DPYSL3: variants seen among roughly 807,000 people sequenced by gnomAD.
The protein encoded by DPYSL3 is dihydropyrimidinase like 3, also known as dihydropyrimidinase-related protein 3.
DPYSL3 carries 16 observed loss-of-function variants against 66.1 expected under a neutral mutation model. The observed-to-expected ratio is 0.24, with a 90% CI of 0.16 to 0.37. The LOEUF is 0.37. DPYSL3 is among the 10% of genes least tolerant of loss of function. DPYSL3 has a pLI of 1.00. For synonymous variants in DPYSL3, 338 were observed against 345.1 expected (o/e 0.98, Z 0.23); for missense variants, 738 against 916.2 (o/e 0.81, Z 2.51).
intron 12 of DPYSL3, among the ~76,000 whole-genome samples, chr5:147,396,149 C>T (rs534610693): frequency 3.3e-5 from 5 of 152,162 alleles, no homozygotes; most frequent in South Asian, 2.1e-4. Context: ...GGTCATGACA[C>T]GAGGTCGCAG....
At chr5:147,418,860 G>A (rs188338991) in intron 2 of DPYSL3, among the ~76,000 whole-genome samples, 4 of 152,272 alleles carry the variant, frequency 2.6e-5, no homozygotes, top group African/African-American at 4.8e-5. Context: ...GTGGGACCAC[G>A]TGTCCTGGTT....
chr5:147,423,676 A>G (rs1752131348), intron 2 of DPYSL3, among the ~76,000 whole-genome samples: 1 of 148,818 alleles, frequency 6.7e-6, no homozygotes, highest in Non-Finnish European at 1.5e-5. Context: ...AATTGCTATG[A>G]TTGATGAAAG....
intron 5 of DPYSL3, 140 bp downstream of exon 5, chr5:147,413,456 C>G: frequency 1.5e-6 from 1 of 663,622 alleles, no homozygotes; most frequent in Admixed American, 2.6e-5. Flanking sequence ...GTAGCGTGGA[C>G]TGCAAAGGCT....
At chr5:147,493,745 G>A (rs1319672419) in intron 1 of DPYSL3, among the ~76,000 whole-genome samples, 1 of 152,118 alleles carries the variant, frequency 6.6e-6, no homozygotes, top group African/African-American at 2.4e-5. Context: ...CAGATGAACT[G>A]TTCAACAAGA....
chr5:147,472,081 C>T (rs1166798040), intron 1 of DPYSL3, among the ~76,000 whole-genome samples: 3 of 152,152 alleles, frequency 2.0e-5, no homozygotes, highest in Non-Finnish European at 4.4e-5. Flanking sequence ...ATGAGACTAG[C>T]GATGGCTTGC....
At chr5:147,505,770 C>T (rs1186811444) in intron 1 of DPYSL3, among the ~76,000 whole-genome samples, 1 of 152,170 alleles carries the variant, frequency 6.6e-6, no homozygotes, top group African/African-American at 2.4e-5. Flanking sequence ...CTCAAAGTTT[C>T]CTGTGTAATG....
Position 147,392,253 on chromosome 5 carries a change from T to G in DPYSL3, c.*1782A>C, listed in dbSNP as rs1287592411. On this transcript the variant is annotated 3_prime_UTR_variant, in exon 14 of 14. Transcript: ENST00000343218. ...GAAAAGCACTACAAGAGCTTTAAAA[T>G]AGCAAGCTTCCCTATTCTAAGGGGA... is the stretch of plus-strand genomic sequence containing the variant. 1.3e-5 allele frequency: 2 copies of G among 152,222 alleles called. No individual in the cohort carries two copies. Among genetic ancestry groups the G allele is most frequent in the Non-Finnish European group, 2.9e-5 (2 of 68,022 alleles). 9.4% of individuals were successfully genotyped at this position (152,222 alleles called of 1,614,324 possible).
At chr5:147,476,093 A>T (rs1192724174) in intron 1 of DPYSL3, among the ~76,000 whole-genome samples, 1 of 152,196 alleles carries the variant, frequency 6.6e-6, no homozygotes, top group Non-Finnish European at 1.5e-5. Context: ...GATCAAACTC[A>T]TATAGCAAGT....
chr5:147,494,733 G>A (rs1753473247), intron 1 of DPYSL3, among the ~76,000 whole-genome samples: 1 of 139,402 alleles, frequency 7.2e-6, no homozygotes, highest in Non-Finnish European at 1.6e-5. Flanking sequence ...AAAAAAATTA[G>A]CCGGGCATGG....
chr5:147,415,974 T>C, intron 3 of DPYSL3, 101 bp from the exon 4 acceptor site: 1 of 1,318,358 alleles, frequency 7.6e-7, no homozygotes, highest in African/African-American at 1.5e-5. Flanking sequence ...GCAGAATCTC[T>C]ATTTCCTGAG....
At chr5:147,461,332 T>C (rs1420900197) in intron 1 of DPYSL3, among the ~76,000 whole-genome samples, 1 of 152,160 alleles carries the variant, frequency 6.6e-6, no homozygotes, top group Non-Finnish European at 1.5e-5. Context: ...CTTATGCAAA[T>C]GGCACACCTG....
chr5:147,448,768 T>A (rs1561792256), intron 1 of DPYSL3, among the ~76,000 whole-genome samples: 1 of 152,224 alleles, frequency 6.6e-6, no homozygotes, highest in Non-Finnish European at 1.5e-5. Context: ...TCACAGCTAC[T>A]AATGTTCAGG....
chr5:147,404,522 C>T (rs1409423694), intron 8 of DPYSL3, among the ~76,000 whole-genome samples: 1 of 152,212 alleles, frequency 6.6e-6, no homozygotes, highest in Non-Finnish European at 1.5e-5. Context: ...CACTGGCACG[C>T]AGCAGTAGCA....
Position 147,422,828 on chromosome 5 carries a change from C to T in DPYSL3, c.470+2047G>A, listed in dbSNP as rs149630278. Reference sequence around the variant, plus strand: ...ATGAGAACATATGGGCACGGGGAGGCGAACATCAAACACCAGGGCCTGTTG... The same window carrying T: ...ATGAGAACATATGGGCACGGGGAGGTGAACATCAAACACCAGGGCCTGTTG... On this transcript the variant is annotated intron_variant, in intron 2 of 13. Transcript: ENST00000343218. Among the ~76,000 whole-genome samples the T allele has an allele frequency of 1.7e-3, 258 of 151,230 alleles. 6 individuals carry two copies. In the East Asian group the frequency reaches 0.046, roughly 27 times the overall value.
At chr5:147,400,876 G>A (rs1207043899) in intron 9 of DPYSL3, 43 bp from the exon 10 acceptor site, 1 of 1,597,918 alleles carries the variant, frequency 6.3e-7, no homozygotes, top group African/African-American at 1.3e-5. Context: ...GGAGATGGCT[G>A]GAGGCACACT....
chr5:147,489,690 T>C (rs559009733), intron 1 of DPYSL3, among the ~76,000 whole-genome samples: 4 of 152,172 alleles, frequency 2.6e-5, no homozygotes, highest in African/African-American at 9.6e-5. Flanking sequence ...TCTGTTCTGT[T>C]AGTTAGATCT....
rs141944436 is a variant in DPYSL3, at chr5:147,420,826, C to T, written c.471-2195G>A. Among the ~76,000 whole-genome samples the T allele has an allele frequency of 1.8e-4, 28 of 152,204 alleles. No homozygotes were observed. In the East Asian group the frequency reaches 2.7e-3, roughly 15 times the overall value. On this transcript the variant is annotated intron_variant, in intron 2 of 13. Transcript: ENST00000343218. ...CTTTCAGTCTTTCTAATAGAAATGG[C>T]GAAAAGGAATCATCTTACACCTTCA...
At position 147,403,688 on chromosome 5, in the gene DPYSL3, T is replaced by C. The variant is rs115527432; in HGVS notation, c.1153+1922A>G. 8.8e-3 allele frequency among the ~76,000 whole-genome samples: 1,336 copies of C among 152,308 alleles called. 18 individuals carry two copies. The highest frequency in any genetic ancestry group is 0.031 in the African/African-American group (1,276 of 41,564). On this transcript the variant is annotated intron_variant, in intron 8 of 13. Coordinates refer to ENST00000343218, the MANE Select transcript of DPYSL3 (RefSeq NM_001197294.2). ...ATTGGTGACTAAACACACTGAGACT[T>C]CAACCATATCCTGCTCAGGAGGGAA...
chr5:147,452,910 C>CACAA (rs1447615108), intron 1 of DPYSL3, among the ~76,000 whole-genome samples: 1 of 150,830 alleles, frequency 6.6e-6, no homozygotes, highest in African/African-American at 2.4e-5. Flanking sequence ...CACACACACA[C>CACAA]ACACACACAC....
Sources: gnomAD v4.1 joint callset for allele counts (sites outside exome capture counted in the v4.1 genomes callset) on GRCh38, gnomAD v4.1.1 for gene constraint, MANE v1.5 for transcripts, NCBI Gene and HGNC (gene_info 2026-07-23, HGNC 2026-07-21) for gene names.